Variants in YWHAG observed in about 807,000 individuals in gnomAD.
YWHAG encodes tyrosine 3-monooxygenase/tryptophan 5-monooxygenase activation protein gamma, also known as 14-3-3 protein gamma.
A neutral mutation model predicts 23.3 loss-of-function variants in YWHAG; 1 was observed. The ratio of observed to expected loss-of-function variants is 0.04; its 90% CI spans 0.02 to 0.20. The LOEUF (loss-of-function observed/expected upper bound fraction) is 0.20. Ranked by LOEUF, YWHAG falls within the 10% of genes least tolerant of loss-of-function variation. The probability of loss-of-function intolerance (pLI) is 1.00; values close to 1 mark genes in which losing one functional copy is unlikely to be tolerated. For missense variants in YWHAG, 151 were observed against 338.6 expected (o/e 0.45, Z 4.35); for synonymous variants, 160 against 144.0 (o/e 1.11, Z -0.80).
At chr7:76,334,371 G>A (rs1036564103) in intron 1 of YWHAG, among the ~76,000 whole-genome samples, 2 of 152,096 alleles carry the variant, frequency 1.3e-5, no homozygotes, top group African/African-American at 2.4e-5. Flanking sequence ...GGGAAGATAC[G>A]GGATCTTGTA....
chr7:76,333,222 A>G (rs1193775019), intron 1 of YWHAG, among the ~76,000 whole-genome samples: 1 of 152,006 alleles, frequency 6.6e-6, no homozygotes, highest in Non-Finnish European at 1.5e-5. Context: ...CACCCACCTT[A>G]GCCTCCCAAA....
chr7:76,334,897 C>A (rs556240200), intron 1 of YWHAG, among the ~76,000 whole-genome samples: 1 of 152,132 alleles, frequency 6.6e-6, no homozygotes, highest in East Asian at 1.9e-4. Context: ...ATTGTTTCTA[C>A]GAATGCAACA....
intron 1 of YWHAG, among the ~76,000 whole-genome samples, chr7:76,354,540 C>CAATAA (rs764798030): frequency 6.6e-6 from 1 of 151,992 alleles, no homozygotes; most frequent in African/African-American, 2.4e-5. Flanking sequence ...AAATAAAATA[C>CAATAA]AATAAAATAA....
At chr7:76,344,276 A>G (rs192910059) in intron 1 of YWHAG, among the ~76,000 whole-genome samples, 1 of 152,228 alleles carries the variant, frequency 6.6e-6, no homozygotes, top group East Asian at 1.9e-4. Flanking sequence ...ACGTCTGGCT[A>G]ATTTTTGAAT....
Position 76,329,893 on chromosome 7 carries a change from C to T in YWHAG, c.428G>A (p.Arg143Lys), listed in dbSNP as rs753162401. The T allele has an allele frequency of 6.2e-7, 1 of 1,614,072 alleles. No homozygotes were observed. Among genetic ancestry groups the T allele is most frequent in the Non-Finnish European group, 8.5e-7 (1 of 1,180,020 alleles). The change falls in exon 2 of 2, where the codon AGG becomes AAG. Residue 143 changes from arginine to lysine, a missense_variant. By Grantham distance (26) the Arg-to-Lys change is conservative. Transcript: ENST00000307630. This position sits in a 1 kb window ranked among gnomAD's most constrained non-coding sequence, Gnocchi z 6.1. Reference sequence around the variant, plus strand: ...CTCGGAGGACTCCACCACCGTCGCCCTTTTCTCTCCGGTGGCCACTTCAGC... The same window carrying T: ...CTCGGAGGACTCCACCACCGTCGCCTTTTTCTCTCCGGTGGCCACTTCAGC... ...YLAEVATGEK[R>K]ATVVESSEKA...
At chr7:76,344,116 A>G (rs945836753) in intron 1 of YWHAG, among the ~76,000 whole-genome samples, 3 of 151,940 alleles carry the variant, frequency 2.0e-5, no homozygotes, top group South Asian at 4.2e-4. Context: ...AACAATTAGG[A>G]ATTTTTTTTT....
At chr7:76,344,720 A>G (rs1360474194) in intron 1 of YWHAG, among the ~76,000 whole-genome samples, 1 of 152,182 alleles carries the variant, frequency 6.6e-6, no homozygotes, top group Non-Finnish European at 1.5e-5. Context: ...ATTCTCAAAA[A>G]TGAATTATAA....
At chr7:76,335,106 G>T (rs1803597707) in intron 1 of YWHAG, among the ~76,000 whole-genome samples, 1 of 152,096 alleles carries the variant, frequency 6.6e-6, no homozygotes, top group Non-Finnish European at 1.5e-5. Context: ...TCACCAGGCT[G>T]GAGTGCAGTG....
intron 1 of YWHAG, among the ~76,000 whole-genome samples, chr7:76,331,749 A>C (rs1383344994): frequency 6.6e-6 from 1 of 151,960 alleles, no homozygotes. Flanking sequence ...CATGCCTGTA[A>C]TCCCAGTGCT....
chr7:76,339,907 G>A (rs752969226), intron 1 of YWHAG, among the ~76,000 whole-genome samples: 55 of 152,008 alleles, frequency 3.6e-4, no homozygotes, highest in Non-Finnish European at 4.4e-5. Flanking sequence ...TGGCCAACAC[G>A]GTGAAACCCC....
At chr7:76,357,209 A>G (rs941990817) in intron 1 of YWHAG, among the ~76,000 whole-genome samples, 31 of 152,238 alleles carry the variant, frequency 2.0e-4, no homozygotes, top group Admixed American at 1.4e-3. Context: ...GTTCTCTTCA[A>G]TAAGACAAAA....
intron 1 of YWHAG, among the ~76,000 whole-genome samples, chr7:76,358,187 T>C (rs1803989190): frequency 6.6e-6 from 1 of 152,104 alleles, no homozygotes; most frequent in South Asian, 2.1e-4. Context: ...ATACAATGTT[T>C]CTGGGAAGAT....
At chr7:76,345,797 T>C (rs927998677) in intron 1 of YWHAG, among the ~76,000 whole-genome samples, 5 of 151,818 alleles carry the variant, frequency 3.3e-5, no homozygotes, top group Admixed American at 6.6e-5. Context: ...TAGCTGGGCA[T>C]GGTGGCACGA....
At chr7:76,335,972 A>C (rs1803609952) in intron 1 of YWHAG, among the ~76,000 whole-genome samples, 1 of 152,154 alleles carries the variant, frequency 6.6e-6, no homozygotes, top group Non-Finnish European at 1.5e-5. Flanking sequence ...CCCCAAAAAA[A>C]AGTTATGAAT....
chr7:76,344,582 C>T (rs958365684), intron 1 of YWHAG, among the ~76,000 whole-genome samples: 4 of 152,162 alleles, frequency 2.6e-5, no homozygotes, highest in African/African-American at 9.7e-5. Flanking sequence ...ATATTGACTC[C>T]TACATGATCA....
At chr7:76,356,055 AAT>A (rs1376785042) in intron 1 of YWHAG, among the ~76,000 whole-genome samples, 3 of 152,212 alleles carry the variant, frequency 2.0e-5, no homozygotes, top group African/African-American at 7.2e-5. Context: ...CACAGATCCC[AAT>A]AGTGTTAGCA....
rs1417862912 is a variant in YWHAG at position 76,327,377 on chromosome 7, A to T, written c.*2200T>A. ...TGTATCAATAGAGTAATGGAGGAGTAATCATTTCACTGGAGAGACAGTATC... is the reference window on the plus strand; with the variant it reads ...TGTATCAATAGAGTAATGGAGGAGTTATCATTTCACTGGAGAGACAGTATC... On this transcript the variant is annotated 3_prime_UTR_variant, in exon 2 of 2. Coordinates refer to ENST00000307630, the MANE Select transcript of YWHAG (RefSeq NM_012479.4). The T allele has an allele frequency of 6.6e-6, 1 of 152,360 alleles. No individual in the cohort carries two copies. The highest frequency in any genetic ancestry group is 2.4e-5 in the African/African-American group (1 of 41,450). The allele number at this position is 152,360 out of a possible 1,614,324, so 9.4% of individuals were successfully genotyped here. A position where few individuals can be genotyped will look rare whatever the true frequency, so the allele number is the denominator to read the frequency against.
intron 1 of YWHAG, among the ~76,000 whole-genome samples, chr7:76,358,415 C>A (rs1422756692): frequency 6.6e-6 from 1 of 152,206 alleles, no homozygotes; most frequent in Non-Finnish European, 1.5e-5. Context: ...CTCGGGTCCC[C>A]TGCACCCCTA....
Position 76,330,168 on chromosome 7 carries a change from G to A in YWHAG, c.153C>T (p.Asn51=), listed in dbSNP as rs751763117. The A allele has an allele frequency of 5.0e-6, 8 of 1,613,838 alleles. No homozygotes were observed. Among genetic ancestry groups the A allele is most frequent in the East Asian group, 4.5e-5 (2 of 44,884 alleles). The part of the protein sequence containing the change: ...ERNLLSVAYK[N]VVGARRSSWR... ...AGGAAGAGCGGCGTGCCCCCACAAC[G>A]TTCTTGTAGGCCACAGACAGAAGGT... The change falls in exon 2 of 2, where the codon AAC becomes AAT. Residue 51 remains asparagine (N), a synonymous_variant. Coordinates refer to ENST00000307630, the MANE Select transcript of YWHAG (RefSeq NM_012479.4).
Sources: gnomAD v4.1 joint callset for allele counts (sites outside exome capture counted in the v4.1 genomes callset) on GRCh38, gnomAD v4.1.1 for gene constraint, Gnocchi (gnomAD v3.1) non-coding constraint, MANE v1.5 for transcripts, NCBI Gene and HGNC (gene_info 2026-07-23, HGNC 2026-07-21) for gene names.